PLCB4: variants seen among roughly 807,000 people sequenced by gnomAD.
PLCB4 encodes the protein phospholipase C beta 4, also known as 1-phosphatidylinositol 4,5-bisphosphate phosphodiesterase beta-4.
A neutral mutation model predicts 178.8 loss-of-function variants in PLCB4; 77 were observed. That is an observed-to-expected ratio of 0.43 (90% CI 0.36 to 0.52). The LOEUF (loss-of-function observed/expected upper bound fraction) is 0.52, where lower values mean the gene tolerates loss of function less well. Ranked by LOEUF, PLCB4 falls within the 20% of genes least tolerant of loss-of-function variation. The pLI, the probability that PLCB4 is intolerant of heterozygous loss-of-function variation, is 0.00. For missense variants in PLCB4, 1,024 were observed against 1,453.4 expected (o/e 0.70, Z 4.80); for synonymous variants, 496 against 490.8 (o/e 1.01, Z -0.14).
Position 9,476,748 on chromosome 20 carries a change from C to A in PLCB4, c.3527C>A (p.Thr1176Lys). Residue 1176 changes from threonine to lysine, a missense_variant, in exon 39 of 40, where the codon ACG (threonine) becomes AAG (lysine). Physicochemically the swap from Thr to Lys is moderately conservative, Grantham distance 78. Coordinates refer to ENST00000378473, the MANE Select transcript of PLCB4 (RefSeq NM_001377142.1). ...AAATCCTGTCATGCAGTGTCCCAAA[C>A]GCAAGGTAGGACCGAAACTCTGATA... ...LLKSCHAVSQ[T>K]QGEGDAADGE... is the part of the protein sequence containing the mutation. The A allele has an allele frequency of 1.2e-6, 2 of 1,608,416 alleles. No individual in the cohort carries two copies. The highest frequency in any genetic ancestry group is 1.7e-6 in the Non-Finnish European group (2 of 1,175,008).
At position 9,070,028 on chromosome 20, in the gene PLCB4, G is replaced by GTTT. The variant is rs11484188; in HGVS notation, c.-135+829_-135+831dup. On this transcript the variant is annotated intron_variant, in intron 1 of 39. Transcript: ENST00000378473. ...TTTGGCCAGAATATTCAGGAAAGGTGTTTTTTTTTCCATATACGTAATACT... is the reference window on the plus strand; with the variant it reads ...TTTGGCCAGAATATTCAGGAAAGGTGTTTTTTTTTTTTCCATATACGTAATACT... Among the ~76,000 whole-genome samples the GTTT allele has an allele frequency of 3.1e-3, 470 of 150,812 alleles. 2 individuals carry two copies. Among genetic ancestry groups the GTTT allele is most frequent in the African/African-American group, 0.011 (447 of 41,108 alleles).
intron 30 of PLCB4, among the ~76,000 whole-genome samples, chr20:9,439,126 G>A (rs2041956684): frequency 6.6e-6 from 1 of 152,208 alleles, no homozygotes; most frequent in African/African-American, 2.4e-5. Flanking sequence ...TCAAATTTTA[G>A]TAGCTTAAGA....
At chr20:9,279,439 G>A (rs1339444076) in intron 3 of PLCB4, among the ~76,000 whole-genome samples, 1 of 151,956 alleles carries the variant, frequency 6.6e-6, no homozygotes, top group African/African-American at 2.4e-5. Flanking sequence ...TGAAGGGGGG[G>A]AAATGACATT....
chr20:9,162,231 G>T (rs1436983443), intron 2 of PLCB4, among the ~76,000 whole-genome samples: 1 of 152,100 alleles, frequency 6.6e-6, no homozygotes, highest in East Asian at 1.9e-4. Flanking sequence ...GAGCATCCTG[G>T]GTTGTCAGCT....
At chr20:9,078,820 T>G (rs971782744) in intron 1 of PLCB4, among the ~76,000 whole-genome samples, 9 of 152,248 alleles carry the variant, frequency 5.9e-5, no homozygotes, top group African/African-American at 2.2e-4. Flanking sequence ...ACCACATTCC[T>G]TGAAAGACTG....
intron 3 of PLCB4, among the ~76,000 whole-genome samples, chr20:9,247,406 TTGCA>T (rs2094136893): frequency 6.6e-6 from 1 of 152,212 alleles, no homozygotes; most frequent in Non-Finnish European, 1.5e-5. Flanking sequence ...TTCTGAACAC[TTGCA>T]TGTATAACAT....
intron 2 of PLCB4, among the ~76,000 whole-genome samples, chr20:9,105,480 A>G (rs2091327433): frequency 6.6e-6 from 1 of 152,098 alleles, no homozygotes; most frequent in Non-Finnish European, 1.5e-5. Context: ...AAATAATTCC[A>G]AAGTGCATCT....
chr20:9,224,842 G>C (rs1291635283), intron 3 of PLCB4, among the ~76,000 whole-genome samples: 1 of 152,140 alleles, frequency 6.6e-6, no homozygotes, highest in Non-Finnish European at 1.5e-5. Context: ...ACCAAATACT[G>C]TTCGCCCTGG....
chr20:9,327,581 C>T (rs368283256), intron 4 of PLCB4, among the ~76,000 whole-genome samples: 1 of 151,804 alleles, frequency 6.6e-6, no homozygotes, highest in Admixed American at 6.6e-5. Context: ...TTGAGACCAT[C>T]CTGGCTAACA....
chr20:9,369,718 T>A (rs775480434), intron 9 of PLCB4, among the ~76,000 whole-genome samples: 1 of 152,210 alleles, frequency 6.6e-6, no homozygotes, highest in Non-Finnish European at 1.5e-5. Context: ...TTAGTCTATT[T>A]TGGGAAGTCC....
chr20:9,129,643 A>G (rs1020580062), intron 2 of PLCB4, among the ~76,000 whole-genome samples: 2 of 152,138 alleles, frequency 1.3e-5, no homozygotes, highest in African/African-American at 2.4e-5. Context: ...TGAGATTTCA[A>G]TATGTGTGGT....
intron 2 of PLCB4, among the ~76,000 whole-genome samples, chr20:9,142,367 A>G (rs947581949): frequency 1.3e-5 from 2 of 152,132 alleles, no homozygotes; most frequent in African/African-American, 4.8e-5. Flanking sequence ...TTGGAAATGG[A>G]TGGTCACGCC....
At chr20:9,430,490 G>A (rs1210254528) in intron 28 of PLCB4, among the ~76,000 whole-genome samples, 2 of 152,124 alleles carry the variant, frequency 1.3e-5, no homozygotes, top group Non-Finnish European at 2.9e-5. Flanking sequence ...CAAATAAGAC[G>A]TTTCAAAAAA....
intron 3 of PLCB4, among the ~76,000 whole-genome samples, chr20:9,291,797 T>A (rs915847413): frequency 1.3e-5 from 2 of 152,174 alleles, no homozygotes; most frequent in African/African-American, 2.4e-5. Context: ...AGTACCCCTG[T>A]GTGGATGAAC....
chr20:9,384,858 G>A lies in PLCB4; in HGVS notation c.1064+447G>A, dbSNP rs533848061. On this transcript the variant is annotated intron_variant, in intron 14 of 39. Coordinates refer to ENST00000378473, the MANE Select transcript of PLCB4 (RefSeq NM_001377142.1). ...GGGTGTTTCTCAGTTTCTCAGAGAG[G>A]GGGATGTGGCAGGGTCATAGGATAA... Among the ~76,000 whole-genome samples the A allele has an allele frequency of 3.0e-3, 462 of 151,694 alleles. 6 individuals carry two copies. The highest frequency in any genetic ancestry group is 2.7e-3 in the Non-Finnish European group (180 of 67,914).
intron 32 of PLCB4, among the ~76,000 whole-genome samples, chr20:9,445,249 A>G (rs1401894495): frequency 1.3e-5 from 2 of 152,210 alleles, no homozygotes; most frequent in African/African-American, 4.8e-5. Context: ...TGGTAGGATA[A>G]TGTCTGTCCT....
intron 26 of PLCB4, among the ~76,000 whole-genome samples, chr20:9,421,036 T>C (rs2040594921): frequency 1.3e-5 from 2 of 150,928 alleles, no homozygotes; most frequent in Non-Finnish European, 2.9e-5. Context: ...ATTTGTATTA[T>C]GATTCATATA....
At chr20:9,456,791 A>AT (rs1236130064) in intron 33 of PLCB4, among the ~76,000 whole-genome samples, 1 of 152,222 alleles carries the variant, frequency 6.6e-6, no homozygotes. Context: ...CTTGAGCTAT[A>AT]ATAACCTAGA....
chr20:9,320,286 G>C (rs541881023), intron 4 of PLCB4, among the ~76,000 whole-genome samples: 1 of 152,182 alleles, frequency 6.6e-6, no homozygotes, highest in Non-Finnish European at 1.5e-5. Context: ...GGACATTGCC[G>C]TGGCATTTGT....
Sources: allele counts gnomAD v4.1 joint callset (sites outside exome capture counted in the v4.1 genomes callset), GRCh38; gene constraint gnomAD v4.1.1; transcripts MANE v1.5; gene names NCBI Gene and HGNC (gene_info 2026-07-23, HGNC 2026-07-21).